The following MGAT4C variants were observed in gnomAD, a reference collection of about 807,000 sequenced individuals.
MGAT4C encodes MGAT4 family member C.
MGAT4C carries 19 observed loss-of-function variants against 40.1 expected under a neutral mutation model. That is an observed-to-expected ratio of 0.47 (90% CI 0.33 to 0.70). MGAT4C has a LOEUF of 0.70. MGAT4C is among the 30% of genes least tolerant of loss of function. The pLI, the probability that MGAT4C is intolerant of heterozygous loss-of-function variation, is 0.02. For missense variants in MGAT4C, 491 were observed against 563.2 expected (o/e 0.87, Z 1.30); for synonymous variants, 181 against 187.1 (o/e 0.97, Z 0.27).
chr12:86,042,387 T>C (rs762017516), intron 2 of MGAT4C, among the ~76,000 whole-genome samples: 2 of 152,192 alleles, frequency 1.3e-5, no homozygotes, highest in Admixed American at 6.5e-5. Context: ...CTTGTTTGTG[T>C]AGTTGCTTTA....
At chr12:86,035,901 A>G (rs1025456289) in intron 2 of MGAT4C, among the ~76,000 whole-genome samples, 1 of 149,668 alleles carries the variant, frequency 6.7e-6, no homozygotes. Flanking sequence ...GTGTGGTGTT[A>G]TTTCTAAGGC....
In MGAT4C at chr12:86,637,051, C is replaced by G. The variant is rs1222324064; in HGVS notation, c.-229+90158G>C. ...AAGTAGAAGGAGGATTATACATCAC[C>G]TTTAGAGCTTATATTCCAAATTTTT... On this transcript the variant is annotated intron_variant, in intron 2 of 7. Transcript: ENST00000548651. 5.9e-5 allele frequency among the ~76,000 whole-genome samples: 9 copies of G among 151,810 alleles called. No individual in the cohort carries two copies. The East Asian group carries it at 1.4e-3, about 23-fold the overall frequency.
At chr12:86,594,646 T>C (rs763584075) in intron 2 of MGAT4C, among the ~76,000 whole-genome samples, 8 of 152,334 alleles carry the variant, frequency 5.3e-5, no homozygotes, top group Non-Finnish European at 7.3e-5. Flanking sequence ...ATGGGGTTTA[T>C]TTGAGCAATT....
chr12:86,666,049 G>A (rs1432217651), intron 2 of MGAT4C, among the ~76,000 whole-genome samples: 3 of 151,948 alleles, frequency 2.0e-5, no homozygotes, highest in African/African-American at 4.8e-5. Context: ...TTTTCACTTG[G>A]CCAATGAAAC....
intron 1 of MGAT4C, among the ~76,000 whole-genome samples, chr12:86,822,456 C>T (rs1443089150): frequency 6.6e-6 from 1 of 151,018 alleles, no homozygotes; most frequent in African/African-American, 2.4e-5. Flanking sequence ...ACAAAAATCT[C>T]TCTTTAGACA....
chr12:86,157,458 T>C (rs897424269), intron 1 of MGAT4C, among the ~76,000 whole-genome samples: 2 of 152,316 alleles, frequency 1.3e-5, no homozygotes, highest in Non-Finnish European at 2.9e-5. Flanking sequence ...TATTACCCTA[T>C]TATTCACCAC....
intron 2 of MGAT4C, among the ~76,000 whole-genome samples, chr12:86,541,774 T>A (rs1018395515): frequency 6.6e-6 from 1 of 152,344 alleles, no homozygotes; most frequent in South Asian, 2.1e-4. Context: ...GATGTCAACA[T>A]TGATTCATCT....
chr12:85,964,483 T>C lies in MGAT4C; in HGVS notation c.*14806A>G, dbSNP rs138199650. Reference sequence around the variant, plus strand: ...GGTTCTTAAGCAACATTCCTAAGACTAGAACCTTATCTTGAAAAATTATGA... The same window carrying C: ...GGTTCTTAAGCAACATTCCTAAGACCAGAACCTTATCTTGAAAAATTATGA... On this transcript the variant is annotated 3_prime_UTR_variant, in exon 5 of 5. Coordinates refer to ENST00000611864, the MANE Select transcript of MGAT4C (RefSeq NM_001351288.2). 6.6e-6 allele frequency: 1 copy of C among 152,110 alleles called. No individual in the cohort carries two copies. Among genetic ancestry groups the C allele is most frequent in the African/African-American group, 2.4e-5 (1 of 41,438 alleles). 9.4% of individuals were successfully genotyped at this position (152,110 alleles called of 1,614,324 possible).
intron 1 of MGAT4C, among the ~76,000 whole-genome samples, chr12:86,084,217 A>G (rs1871334566): frequency 6.6e-6 from 1 of 152,084 alleles, no homozygotes; most frequent in Non-Finnish European, 1.5e-5. Context: ...TGAGCATTAT[A>G]TAGAAAAATA....
At chr12:86,095,294 C>T (rs1201028094) in intron 1 of MGAT4C, among the ~76,000 whole-genome samples, 1 of 151,714 alleles carries the variant, frequency 6.6e-6, no homozygotes, top group Non-Finnish European at 1.5e-5. Flanking sequence ...ATATATACTC[C>T]CAGATATTAA....
At chr12:86,796,727 A>T (rs746739253) in intron 1 of MGAT4C, among the ~76,000 whole-genome samples, 3 of 151,976 alleles carry the variant, frequency 2.0e-5, no homozygotes, top group Non-Finnish European at 2.9e-5. Context: ...GCATATGTTA[A>T]TTACCTAGAT....
At chr12:86,388,980 G>A (rs1956116029) in intron 3 of MGAT4C, among the ~76,000 whole-genome samples, 1 of 151,918 alleles carries the variant, frequency 6.6e-6, no homozygotes, top group Non-Finnish European at 1.5e-5. Context: ...CACCACTCCT[G>A]GCCAGTTTCA....
rs7954833 is a variant in MGAT4C, at chr12:86,356,057, G to C, written c.-119-21930C>G. Among the ~76,000 whole-genome samples, 8 of 152,182 alleles carry C rather than the reference G, an allele frequency of 5.3e-5. 1 individual carries two copies. Among genetic ancestry groups the C allele is most frequent in the African/African-American group, 1.9e-4 (8 of 41,532 alleles). On this transcript the variant is annotated intron_variant, in intron 3 of 7. Coordinates refer to the MGAT4C transcript ENST00000548651. ...ATATTTGAAGTAATAAAATATTAAC[G>C]CTACATACAGAGTGAAAAATTATAT...
intron 2 of MGAT4C, among the ~76,000 whole-genome samples, chr12:86,717,162 A>G (rs1593146152): frequency 6.6e-6 from 1 of 152,112 alleles, no homozygotes; most frequent in Middle Eastern, 3.4e-3. Flanking sequence ...TCAAGAAGAA[A>G]ACTTGTAATT....
At chr12:86,547,895 C>A (rs141862256) in intron 2 of MGAT4C, among the ~76,000 whole-genome samples, 18 of 152,070 alleles carry the variant, frequency 1.2e-4, no homozygotes, top group African/African-American at 4.3e-4. Flanking sequence ...TTTTTCTGCC[C>A]TAAAAGTTCC....
At chr12:86,774,714 A>T (rs1204865915) in intron 1 of MGAT4C, among the ~76,000 whole-genome samples, 3 of 152,042 alleles carry the variant, frequency 2.0e-5, no homozygotes, top group African/African-American at 7.3e-5. Flanking sequence ...AAAAGATTTT[A>T]ATTTACCATT....
chr12:86,086,192 A>G (rs1871807118), intron 1 of MGAT4C, among the ~76,000 whole-genome samples: 1 of 152,144 alleles, frequency 6.6e-6, no homozygotes, highest in South Asian at 2.1e-4. Flanking sequence ...CATATACACC[A>G]CGGAATACTA....
chr12:86,155,709 T>C, intron 1 of MGAT4C, among the ~76,000 whole-genome samples: 1 of 152,310 alleles, frequency 6.6e-6, no homozygotes, highest in Admixed American at 6.5e-5. Context: ...TATTTATATA[T>C]TCTATATAAT....
chr12:86,430,036 T>C (rs1957002723), intron 3 of MGAT4C, among the ~76,000 whole-genome samples: 1 of 152,328 alleles, frequency 6.6e-6, no homozygotes, highest in South Asian at 2.1e-4. Flanking sequence ...TTTCTTCTGC[T>C]GTTGAAGTTT....
Sources: gnomAD v4.1 joint callset for allele counts (sites outside exome capture counted in the v4.1 genomes callset) on GRCh38, gnomAD v4.1.1 for gene constraint, MANE v1.5 for transcripts, NCBI Gene and HGNC (gene_info 2026-07-23, HGNC 2026-07-21) for gene names.